Variants in SIMC1 observed in about 807,000 individuals in gnomAD.
SIMC1 encodes the protein SUMO-interacting motif-containing protein 1.
In SIMC1, 55 loss-of-function variants were observed where a neutral mutation model predicts 82.3. The observed-to-expected ratio is 0.67, with a 90% CI of 0.54 to 0.84. The LOEUF is 0.84. Among genes scored for constraint, SIMC1 ranks in the 40% least tolerant of loss-of-function variants. The pLI, the probability that SIMC1 is intolerant of heterozygous loss-of-function variation, is 0.00. For synonymous variants in SIMC1, 353 were observed against 426.3 expected, an observed-to-expected ratio of 0.83 and a Z score of 2.12; for missense variants, 915 against 1,107.2, an observed-to-expected ratio of 0.83 and a Z score of 2.46.
rs538722040 is a variant in SIMC1, at chr5:176,287,489, T to G, written c.130-2165T>G. Reference sequence around the variant, plus strand: ...ACACCGGGGCCTGTAGTGGGGTGGGTGGCTACGGGAGGGATAGCATTAGGA... The same window carrying G: ...ACACCGGGGCCTGTAGTGGGGTGGGGGGCTACGGGAGGGATAGCATTAGGA... On this transcript the variant is annotated intron_variant, in intron 1 of 9. Coordinates refer to ENST00000429602, the MANE Select transcript of SIMC1 (RefSeq NM_001308195.2). 3.7e-3 allele frequency among the ~76,000 whole-genome samples: 561 copies of G among 152,094 alleles called. 3 individuals carry two copies. Among genetic ancestry groups the G allele is most frequent in the African/African-American group, 0.013 (533 of 41,500 alleles).
intron 1 of SIMC1, among the ~76,000 whole-genome samples, chr5:176,277,623 G>C (rs1762773297): frequency 1.3e-5 from 2 of 152,010 alleles, no homozygotes; most frequent in African/African-American, 4.8e-5. Context: ...ATTGATTTTT[G>C]TATAAGGTGT....
In SIMC1 at chr5:176,276,927, T is replaced by C. The variant is rs1334828160; in HGVS notation, c.130-12727T>C. Reference sequence around the variant, plus strand: ...AAACATACGTGTACATGTGTCTTTATAGCAGCATGATTTATAGTCCTTTGG... The same window carrying C: ...AAACATACGTGTACATGTGTCTTTACAGCAGCATGATTTATAGTCCTTTGG... On this transcript the variant is annotated intron_variant, in intron 1 of 9. Coordinates refer to ENST00000429602, the MANE Select transcript of SIMC1 (RefSeq NM_001308195.2). 8.0e-5 allele frequency among the ~76,000 whole-genome samples: 12 copies of C among 150,830 alleles called. No individual in the cohort carries two copies. In the South Asian group the frequency reaches 2.1e-3, roughly 26 times the overall value.
At chr5:176,256,422 C>T (rs1330487417) in intron 1 of SIMC1, among the ~76,000 whole-genome samples, 2 of 152,116 alleles carry the variant, frequency 1.3e-5, no homozygotes, top group African/African-American at 2.4e-5. Context: ...ATTCATCCTT[C>T]GCAAACTTTC....
intron 4 of SIMC1, chr5:176,307,931 A>C (rs932582670): frequency 9.1e-6 from 5 of 550,662 alleles, no homozygotes; most frequent in Admixed American, 3.1e-5. Flanking sequence ...CCAAAGACAT[A>C]CATTCAAATG....
intron 4 of SIMC1, among the ~76,000 whole-genome samples, chr5:176,305,777 G>A (rs1293563099): frequency 1.8e-5 from 1 of 56,082 alleles, no homozygotes; most frequent in Non-Finnish European, 3.8e-5. Flanking sequence ...CCCCCCACCC[G>A]GCCAGCCGCC....
At chr5:176,270,804 G>A (rs1362802960) in intron 1 of SIMC1, among the ~76,000 whole-genome samples, 1 of 152,180 alleles carries the variant, frequency 6.6e-6, no homozygotes, top group Non-Finnish European at 1.5e-5. Context: ...GAGGCAAATC[G>A]TCCATCCTAG....
intron 1 of SIMC1, among the ~76,000 whole-genome samples, chr5:176,279,857 G>C (rs1290615796): frequency 2.0e-5 from 3 of 152,082 alleles, no homozygotes; most frequent in Admixed American, 6.6e-5. Context: ...TGTAATCTCT[G>C]TTCTTTTACA....
At chr5:176,283,894 A>T (rs1225880598) in intron 1 of SIMC1, among the ~76,000 whole-genome samples, 1 of 152,196 alleles carries the variant, frequency 6.6e-6, no homozygotes. Flanking sequence ...GATAAAACAG[A>T]CTTTAAAGCA....
intron 1 of SIMC1, among the ~76,000 whole-genome samples, chr5:176,280,647 T>C (rs562894887): frequency 6.6e-6 from 1 of 152,322 alleles, no homozygotes; most frequent in South Asian, 2.1e-4. Flanking sequence ...ACAAAATCTC[T>C]CAGCATTTGC....
At chr5:176,304,775 A>G (rs1169458546) in intron 4 of SIMC1, among the ~76,000 whole-genome samples, 1 of 150,806 alleles carries the variant, frequency 6.6e-6, no homozygotes, top group Non-Finnish European at 1.5e-5. Flanking sequence ...CCATCTAGGA[A>G]GTGAGGAGCG....
At chr5:176,304,803 A>C (rs1380454678) in intron 4 of SIMC1, among the ~76,000 whole-genome samples, 1 of 133,692 alleles carries the variant, frequency 7.5e-6, no homozygotes, top group African/African-American at 2.9e-5. Context: ...CCGGCTGCCC[A>C]TTGTCTGAGA....
rs777254875 is a variant in SIMC1, at chr5:176,290,126, A to G, written c.602A>G (p.Gln201Arg). Residue 201 changes from glutamine (Q) to arginine (R), a missense_variant, in exon 2 of 10, where the codon CAA becomes CGA. Gln to Arg is a conservative substitution (Grantham distance 43, BLOSUM62 1). Transcript: ENST00000429602. The stretch of plus-strand genomic sequence containing the variant: ...AGGAGCAGCAGCAGCAGCAGCAATC[A>G]AAAAGCACCCTTGCCATGCCCACAG... ...NSRSSSSSSN[Q>R]KAPLPCPQQD... is the part of the protein sequence containing the mutation. 8.1e-6 allele frequency: 13 copies of G among 1,604,488 alleles called. No homozygotes were observed. Among genetic ancestry groups the G allele is most frequent in the Non-Finnish European group, 1.1e-5 (13 of 1,175,378 alleles).
intron 1 of SIMC1, among the ~76,000 whole-genome samples, chr5:176,286,081 A>G (rs527537726): frequency 5.9e-5 from 9 of 152,408 alleles, no homozygotes; most frequent in Non-Finnish European, 1.3e-4. Flanking sequence ...TATAGATTCA[A>G]TGCCATCTCC....
chr5:176,257,714 C>CA (rs1761892575), intron 1 of SIMC1, among the ~76,000 whole-genome samples: 1 of 151,948 alleles, frequency 6.6e-6, no homozygotes. Flanking sequence ...TTTTTCCCCC[C>CA]AAAAAAATGT....
intron 1 of SIMC1, among the ~76,000 whole-genome samples, chr5:176,275,088 T>C (rs1330266200): frequency 6.6e-6 from 1 of 151,854 alleles, no homozygotes; most frequent in East Asian, 1.9e-4. Flanking sequence ...TTTCATGATA[T>C]TGATTCTTCC....
chr5:176,303,756 A>G (rs1425547307), intron 4 of SIMC1, among the ~76,000 whole-genome samples: 2 of 152,230 alleles, frequency 1.3e-5, no homozygotes, highest in Non-Finnish European at 2.9e-5. Context: ...GCCCAGAAAT[A>G]AACCTTTGGG....
rs1764531279 is a variant in SIMC1, at chr5:176,308,641, G to A, written c.1735-5050G>A. On this transcript the variant is annotated intron_variant, in intron 4 of 9. Coordinates refer to ENST00000429602, the MANE Select transcript of SIMC1 (RefSeq NM_001308195.2). ...CTTCATGGTCCACAAGACTTCTGGA[G>A]CTCCAGCCAGCACATCTCCATTGAG... 9 of 1,580,318 alleles carry A rather than the reference G, an allele frequency of 5.7e-6. No homozygotes were observed. In the South Asian group the frequency reaches 7.8e-5, roughly 14 times the overall value.
intron 1 of SIMC1, among the ~76,000 whole-genome samples, chr5:176,273,922 G>T (rs1343791325): frequency 1.3e-5 from 2 of 151,750 alleles, no homozygotes; most frequent in East Asian, 3.9e-4. Context: ...CATTTGGGTT[G>T]GTTCCAAGTC....
chr5:176,272,113 C>A (rs1341437044), intron 1 of SIMC1, among the ~76,000 whole-genome samples: 1 of 126,808 alleles, frequency 7.9e-6, no homozygotes, highest in African/African-American at 3.0e-5. Context: ...GAGACCAAGG[C>A]AAGAGGATTC....
Sources: allele counts gnomAD v4.1 joint callset (sites outside exome capture counted in the v4.1 genomes callset), GRCh38; gene constraint gnomAD v4.1.1; transcripts MANE v1.5; gene names NCBI Gene and HGNC (gene_info 2026-07-23, HGNC 2026-07-21).